SRRM3: variants seen among roughly 807,000 people sequenced by gnomAD.
SRRM3 encodes the protein serine/arginine repetitive matrix 3.
In SRRM3, 27 loss-of-function variants were observed where a neutral mutation model predicts 66.2. That is an observed-to-expected ratio of 0.41 (90% CI 0.30 to 0.56). SRRM3 has a LOEUF of 0.56. SRRM3 is among the 20% of genes least tolerant of loss of function. The pLI, the probability that SRRM3 is intolerant of heterozygous loss-of-function variation, is 0.32. For missense variants in SRRM3, 918 were observed against 991.9 expected, an observed-to-expected ratio of 0.93 and a Z score of 1.00; for synonymous variants, 391 against 414.9, an observed-to-expected ratio of 0.94 and a Z score of 0.70.
rs1473528578 is a variant in SRRM3 at position 76,231,189 on chromosome 7, T to A, written c.-39-3839T>A. ...TGGGCTTAGTGTGCAATGATTTGGG[T>A]CATTCTATTAATGACCTGCTGCAGA... On this transcript the variant is annotated intron_variant, in intron 1 of 14. Transcript: ENST00000611745. Among the ~76,000 whole-genome samples the A allele has an allele frequency of 3.9e-5, 6 of 152,034 alleles. No homozygotes were observed. The South Asian group carries it at 1.3e-3, about 32-fold the overall frequency.
intron 3 of SRRM3, among the ~76,000 whole-genome samples, chr7:76,255,598 T>A (rs1228869494): frequency 6.6e-6 from 1 of 152,172 alleles, no homozygotes; most frequent in African/African-American, 2.4e-5. Context: ...TGCATGCCAC[T>A]GTGCCCTGCT....
chr7:76,213,076 C>T (rs1453689336), intron 1 of SRRM3, among the ~76,000 whole-genome samples: 1 of 129,894 alleles, frequency 7.7e-6, no homozygotes, highest in African/African-American at 2.9e-5. Context: ...ATGGCGTGAT[C>T]TCAGCTCACT....
intron 2 of SRRM3, among the ~76,000 whole-genome samples, chr7:76,239,726 C>G (rs1337312843): frequency 6.6e-6 from 1 of 152,004 alleles, no homozygotes; most frequent in African/African-American, 2.4e-5. Flanking sequence ...AAAACAAAAA[C>G]AAAAACAAAA....
chr7:76,231,895 A>G (rs1487726938), intron 1 of SRRM3, among the ~76,000 whole-genome samples: 1 of 152,084 alleles, frequency 6.6e-6, no homozygotes, highest in Non-Finnish European at 1.5e-5. Flanking sequence ...ACTCCAGCGG[A>G]GGGGAAACAC....
chr7:76,214,038 A>G (rs1286384652), intron 1 of SRRM3, among the ~76,000 whole-genome samples: 1 of 151,962 alleles, frequency 6.6e-6, no homozygotes, highest in Non-Finnish European at 1.5e-5. Flanking sequence ...TCAGCCTCCC[A>G]AAGTGTTGGG....
At position 76,285,610 on chromosome 7, in the gene SRRM3, G is replaced by C; in HGVS notation, c.1734-5G>C. On this transcript the variant is annotated splice_region_variant and splice_polypyrimidine_tract_variant and intron_variant, in intron 14 of 14. Coordinates refer to ENST00000611745, the MANE Select transcript of SRRM3 (RefSeq NM_001110199.3). The surrounding 1 kb of genome is among the most constrained non-coding windows in gnomAD (Gnocchi z 4.1). Reference sequence around the variant, plus strand: ...GGCCTGTAATCAGCTTTTTCTTCCCGGCAGCGCCCGCAAGCGTCCTATTCC... The same window carrying C: ...GGCCTGTAATCAGCTTTTTCTTCCCCGCAGCGCCCGCAAGCGTCCTATTCC... 6.5e-7 allele frequency: 1 copy of C among 1,547,064 alleles called. No homozygotes were observed.
chr7:76,214,346 T>C (rs1554602287), intron 1 of SRRM3, among the ~76,000 whole-genome samples: 1 of 152,178 alleles, frequency 6.6e-6, no homozygotes, highest in African/African-American at 2.4e-5. Flanking sequence ...ACCCCTGCCA[T>C]TCCTACCTCC....
At chr7:76,276,896 G>A (rs1486859516) in intron 11 of SRRM3, among the ~76,000 whole-genome samples, 1 of 152,190 alleles carries the variant, frequency 6.6e-6, no homozygotes, top group Admixed American at 6.5e-5. Context: ...AGGACCATGA[G>A]TTGGTTGTAC....
At chr7:76,220,607 C>T (rs1050990327) in intron 1 of SRRM3, among the ~76,000 whole-genome samples, 3 of 152,284 alleles carry the variant, frequency 2.0e-5, no homozygotes, top group South Asian at 2.1e-4. Context: ...CAGACTGAGA[C>T]GGCAGGGAAA....
chr7:76,235,640 C>T (rs1391815294), intron 2 of SRRM3, among the ~76,000 whole-genome samples: 1 of 151,616 alleles, frequency 6.6e-6, no homozygotes, highest in Non-Finnish European at 1.5e-5. Context: ...CCGAGGCGAG[C>T]GGATTATTTG....
At chr7:76,207,947 T>C (rs1800340649) in intron 1 of SRRM3, among the ~76,000 whole-genome samples, 1 of 152,116 alleles carries the variant, frequency 6.6e-6, no homozygotes, top group South Asian at 2.1e-4. Flanking sequence ...TGGGCATGGG[T>C]GGAGCTGAGA....
chr7:76,218,674 C>CTTTTTTTTTTTTTTTTTTTTTTTTTTTTT (rs11349335), intron 1 of SRRM3, among the ~76,000 whole-genome samples: 5 of 76,278 alleles, frequency 6.6e-5, no homozygotes, highest in Non-Finnish European at 1.1e-4. Flanking sequence ...GCTTTCTTTT[C>CTTTTTTTTTTTTTTTTTTTTTTTTTTTTT]TTTTTTTTTT....
chr7:76,267,191 G>A (rs1242592024), intron 10 of SRRM3, 67 bp from the exon 11 acceptor site: 14 of 1,376,546 alleles, frequency 1.0e-5, no homozygotes, highest in Non-Finnish European at 1.3e-5. Context: ...GGAAAGAGGA[G>A]GCGCAACTGC....
At chr7:76,219,630 C>T (rs1268879753) in intron 1 of SRRM3, among the ~76,000 whole-genome samples, 2 of 152,126 alleles carry the variant, frequency 1.3e-5, no homozygotes, top group African/African-American at 4.8e-5. Context: ...GGGCTGGGGC[C>T]GGGTGCGGTG....
intron 1 of SRRM3, among the ~76,000 whole-genome samples, chr7:76,209,604 A>ATTTTTTT (rs11290590): frequency 7.3e-6 from 1 of 136,820 alleles, no homozygotes. Context: ...AAGAGTTGGA[A>ATTTTTTT]TTTTTTTTTT....
At chr7:76,214,255 C>T (rs1441868344) in intron 1 of SRRM3, among the ~76,000 whole-genome samples, 1 of 150,244 alleles carries the variant, frequency 6.7e-6, no homozygotes, top group Non-Finnish European at 1.5e-5. Flanking sequence ...GGAGAGGCCA[C>T]TGCTGCACCA....
At chr7:76,225,543 T>C (rs1399812609) in intron 1 of SRRM3, among the ~76,000 whole-genome samples, 3 of 116,766 alleles carry the variant, frequency 2.6e-5, no homozygotes, top group Non-Finnish European at 4.9e-5. Context: ...CCTGAACTGG[T>C]GATGGGGGTG....
intron 1 of SRRM3, among the ~76,000 whole-genome samples, chr7:76,234,310 G>A (rs868982426): frequency 9.1e-4 from 139 of 152,110 alleles, no homozygotes; most frequent in African/African-American, 3.1e-3. Context: ...GAGCCTACAG[G>A]AGGACGTGGC....
At chr7:76,235,325 G>C (rs1554604743) in intron 2 of SRRM3, 26 bp downstream of exon 2, 2 of 1,468,980 alleles carry the variant, frequency 1.4e-6, no homozygotes, top group South Asian at 1.3e-5. Context: ...GGCGGGACTG[G>C]GGTGGGGAGA....
Sources: gnomAD v4.1 joint callset for allele counts (sites outside exome capture counted in the v4.1 genomes callset) on GRCh38, gnomAD v4.1.1 for gene constraint, Gnocchi (gnomAD v3.1) non-coding constraint, MANE v1.5 for transcripts, NCBI Gene and HGNC (gene_info 2026-07-23, HGNC 2026-07-21) for gene names.